Variants in C8B observed in about 807,000 individuals in gnomAD.
C8B encodes complement component C8 beta chain.
A neutral mutation model predicts 64.6 loss-of-function variants in C8B; 67 were observed. The observed-to-expected ratio is 1.04, with a 90% CI of 0.85 to 1.27. The LOEUF is 1.27. Among genes scored for constraint, C8B ranks in the 50% most tolerant of loss-of-function variants. C8B has a pLI of 0.00. For synonymous variants in C8B, 284 were observed against 257.7 expected, an observed-to-expected ratio of 1.10 and a Z score of -0.98; for missense variants, 790 against 725.2, an observed-to-expected ratio of 1.09 and a Z score of -1.03.
At chr1:56,964,885 G>A (rs114892856) in intron 1 of C8B, among the ~76,000 whole-genome samples, 3 of 152,164 alleles carry the variant, frequency 2.0e-5, no homozygotes, top group East Asian at 1.9e-4. Flanking sequence ...GTACACACAA[G>A]GAAGGTCTTG....
chr1:56,932,745 G>A (rs565944344), intron 10 of C8B, among the ~76,000 whole-genome samples: 67 of 152,220 alleles, frequency 4.4e-4, no homozygotes, highest in Non-Finnish European at 7.5e-4. Flanking sequence ...TATCCCTTCC[G>A]TTGAGCTAAC....
Position 56,960,074 on chromosome 1 carries a change from A to G in C8B, c.195T>C (p.Cys65=). 1 of 1,614,142 alleles carries G rather than the reference A, an allele frequency of 6.2e-7. No individual in the cohort carries two copies. Among genetic ancestry groups the G allele is most frequent in the South Asian group, 1.1e-5 (1 of 91,082 alleles). ...SVDVTLMPID[C]ELSSWSSWTT... is the part of the protein sequence containing the mutation. ...TCCAAGAGGACCAACTAGACAGCTCACAATCAATGGGCATCAGGGTAACAT... is the reference window on the plus strand; with the variant it reads ...TCCAAGAGGACCAACTAGACAGCTCGCAATCAATGGGCATCAGGGTAACAT... Residue 65 remains cysteine (C), a synonymous_variant, in exon 2 of 12, where the codon TGT becomes TGC. Transcript: ENST00000371237.
intron 5 of C8B, 29 bp from the exon 6 acceptor site, chr1:56,949,781 A>G: frequency 1.3e-6 from 2 of 1,514,854 alleles, no homozygotes; most frequent in Non-Finnish European, 1.8e-6. Flanking sequence ...AGGGTTTTTT[A>G]TTTCATTTGA....
chr1:56,944,775 C>T (rs1256042940), intron 7 of C8B, among the ~76,000 whole-genome samples: 1 of 152,164 alleles, frequency 6.6e-6, no homozygotes, highest in Non-Finnish European at 1.5e-5. Flanking sequence ...AAGACTGAGG[C>T]CACACTGTAA....
intron 3 of C8B, among the ~76,000 whole-genome samples, chr1:56,956,259 A>C (rs960194467): frequency 1.3e-5 from 2 of 152,216 alleles, no homozygotes; most frequent in Non-Finnish European, 2.9e-5. Flanking sequence ...TAAGGGAGCC[A>C]ACAGTCTACA....
intron 1 of C8B, among the ~76,000 whole-genome samples, chr1:56,965,378 TGAGA>T (rs113817142): frequency 3.8e-5 from 5 of 132,288 alleles, no homozygotes; most frequent in East Asian, 2.2e-4. Context: ...TTGTGGGGGG[TGAGA>T]GAGAGAGAGA....
rs760889204 is a variant in C8B, at chr1:56,945,805, C to G, written c.1105+16G>C. On this transcript the variant is annotated intron_variant, in intron 7 of 11. Coordinates refer to ENST00000371237, the MANE Select transcript of C8B (RefSeq NM_000066.4). ...CCCCAGCTTTTAGGAAAGCCATGGTCCCTTGGGCAGTATACCTCCTCTCTC... is the reference window on the plus strand; with the variant it reads ...CCCCAGCTTTTAGGAAAGCCATGGTGCCTTGGGCAGTATACCTCCTCTCTC... 2 of 1,614,046 alleles carry G rather than the reference C, an allele frequency of 1.2e-6. No individual in the cohort carries two copies. The highest frequency in any genetic ancestry group is 8.5e-7 in the Non-Finnish European group (1 of 1,179,992).
chr1:56,959,719 C>T (rs1645150029), intron 2 of C8B: 1 of 965,854 alleles, frequency 1.0e-6, no homozygotes. Flanking sequence ...CAGACATACA[C>T]TATGATTGCT....
rs186544739 is a variant in C8B at position 56,937,488 on chromosome 1, T to C, written c.1398+3361A>G. The stretch of plus-strand genomic sequence containing the variant: ...GGGCACCATTCATTACTGTATTTTT[T>C]CCCTTCTGCCCTGGGCAATGCCAAT... On this transcript the variant is annotated intron_variant, in intron 9 of 11. Transcript: ENST00000371237. Among the ~76,000 whole-genome samples, 33 of 152,242 alleles carry C rather than the reference T, an allele frequency of 2.2e-4. 1 individual carries two copies. The East Asian group carries it at 6.2e-3, about 29-fold the overall frequency.
Position 56,943,736 on chromosome 1 carries a change from C to G in C8B, c.1194G>C (p.Val398=), listed in dbSNP as rs140359124. 45 of 1,614,010 alleles carry G rather than the reference C, an allele frequency of 2.8e-5. No homozygotes were observed. The highest frequency in any genetic ancestry group is 3.6e-5 in the Non-Finnish European group (42 of 1,180,002). The change falls in exon 8 of 12, where the codon GTG becomes GTC. Residue 398 remains valine, a synonymous_variant. Transcript: ENST00000371237. ...AIEEVYVSLG[V]SVGKCRGILN... Reference sequence around the variant, plus strand: ...GAATACCTCTGCATTTGCCTACAGACACACCCAGACTGACGTAGACCTCTT... The same window carrying G: ...GAATACCTCTGCATTTGCCTACAGAGACACCCAGACTGACGTAGACCTCTT...
intron 9 of C8B, 128 bp from the exon 10 acceptor site, chr1:56,933,616 A>C: frequency 1.3e-6 from 1 of 780,688 alleles, no homozygotes; most frequent in Admixed American, 2.0e-5. Flanking sequence ...ATGAAACTAG[A>C]TGGATCTCCC....
At chr1:56,950,382 T>C (rs1645002875) in intron 5 of C8B, among the ~76,000 whole-genome samples, 1 of 152,018 alleles carries the variant, frequency 6.6e-6, no homozygotes, top group Non-Finnish European at 1.5e-5. Context: ...GGCTGGAGGA[T>C]CAAGTGACAA....
At chr1:56,943,439 CA>C (rs1389258374) in intron 8 of C8B, among the ~76,000 whole-genome samples, 1 of 152,100 alleles carries the variant, frequency 6.6e-6, no homozygotes, top group African/African-American at 2.4e-5. Context: ...TAGTTATACA[CA>C]AAAACATTAT....
chr1:56,929,328 G>T lies in C8B; in HGVS notation c.*76C>A. 6.7e-7 allele frequency: 1 copy of T among 1,502,230 alleles called. No homozygotes were observed. Among genetic ancestry groups the T allele is most frequent in the Non-Finnish European group, 9.3e-7 (1 of 1,079,854 alleles). 93.1% of individuals were successfully genotyped at this position (1,502,230 alleles called of 1,614,324 possible). A position where few individuals can be genotyped will look rare whatever the true frequency, so the allele number is the denominator to read the frequency against. On this transcript the variant is annotated 3_prime_UTR_variant, in exon 12 of 12. Coordinates refer to ENST00000371237, the MANE Select transcript of C8B (RefSeq NM_000066.4). ...CTTGCATGAACTCCAGGTGGAAACTGGTGTAGGGCTGAGCTGGCATGAGTT... is the reference window on the plus strand; with the variant it reads ...CTTGCATGAACTCCAGGTGGAAACTTGTGTAGGGCTGAGCTGGCATGAGTT...
At chr1:56,942,347 C>G (rs2101392780) in intron 8 of C8B, among the ~76,000 whole-genome samples, 1 of 152,304 alleles carries the variant, frequency 6.6e-6, no homozygotes, top group South Asian at 2.1e-4. Context: ...CCAGAAAGCC[C>G]TCAATCATAT....
At chr1:56,951,836 C>T (rs531875202) in intron 5 of C8B, among the ~76,000 whole-genome samples, 1 of 152,226 alleles carries the variant, frequency 6.6e-6, no homozygotes, top group Admixed American at 6.5e-5. Context: ...ATTATGGTTT[C>T]TATTATTACT....
chr1:56,932,521 C>T lies in C8B; in HGVS notation c.1553-643G>A, dbSNP rs140546148. On this transcript the variant is annotated intron_variant, in intron 10 of 11. Transcript: ENST00000371237. ...CAAGGCAAGGGAGAGTTCAGCAACC[C>T]TAGATTAAAATCTTGAGTTGATGAG... Among the ~76,000 whole-genome samples, 13 of 152,186 alleles carry T rather than the reference C, an allele frequency of 8.5e-5. No individual in the cohort carries two copies. The East Asian group carries it at 1.9e-3, about 23-fold the overall frequency.
chr1:56,950,804 A>C (rs1402545893), intron 5 of C8B, among the ~76,000 whole-genome samples: 1 of 152,158 alleles, frequency 6.6e-6, no homozygotes, highest in Non-Finnish European at 1.5e-5. Flanking sequence ...TATACTGGTA[A>C]GTCATAGCAC....
intron 9 of C8B, among the ~76,000 whole-genome samples, chr1:56,936,621 G>A (rs1453745231): frequency 6.9e-6 from 1 of 145,268 alleles, no homozygotes; most frequent in Admixed American, 7.1e-5. Flanking sequence ...TTGAGACAGA[G>A]TCTTGCTCTG....
Sources: gnomAD v4.1 joint callset for allele counts (sites outside exome capture counted in the v4.1 genomes callset) on GRCh38, gnomAD v4.1.1 for gene constraint, MANE v1.5 for transcripts, NCBI Gene and HGNC (gene_info 2026-07-23, HGNC 2026-07-21) for gene names.